The following HCRTR2 variants were observed in gnomAD, a reference collection of about 807,000 sequenced individuals.
HCRTR2 encodes the protein hypocretin receptor 2.
HCRTR2 carries 22 observed loss-of-function variants against 49.0 expected under a neutral mutation model. The observed-to-expected ratio is 0.45, with a 90% CI of 0.32 to 0.64. The LOEUF is 0.64. Among genes scored for constraint, HCRTR2 ranks in the 30% least tolerant of loss-of-function variants. HCRTR2 has a pLI of 0.04. For missense variants in HCRTR2, 491 were observed against 559.4 expected, an observed-to-expected ratio of 0.88 and a Z score of 1.23; for synonymous variants, 236 against 205.3, an observed-to-expected ratio of 1.15 and a Z score of -1.28.
At chr6:55,229,962 A>G (rs897497021) in intron 1 of HCRTR2, among the ~76,000 whole-genome samples, 50 of 152,176 alleles carry the variant, frequency 3.3e-4, no homozygotes, top group African/African-American at 1.2e-3. Flanking sequence ...ACCGCTTCAC[A>G]GGCAAAAACT....
chr6:55,170,166 T>A (rs1764928209), upstream of HCRTR2, among the ~76,000 whole-genome samples: 1 of 151,538 alleles, frequency 6.6e-6, no homozygotes, highest in Non-Finnish European at 1.5e-5. Context: ...TTAAACAGAA[T>A]TATTCTGAAT....
At chr6:55,233,322 C>G (rs545113547) in intron 1 of HCRTR2, among the ~76,000 whole-genome samples, 2 of 152,066 alleles carry the variant, frequency 1.3e-5, no homozygotes, top group Non-Finnish European at 2.9e-5. Context: ...AACTCCTGAC[C>G]TCAGGTGATC....
chr6:55,227,555 C>T (rs1189573486), intron 1 of HCRTR2, among the ~76,000 whole-genome samples: 1 of 152,090 alleles, frequency 6.6e-6, no homozygotes, highest in Non-Finnish European at 1.5e-5. Flanking sequence ...AAAGATTATT[C>T]CTGTGTATTA....
chr6:55,121,013 AAGTC>A (rs1295747227), intron 1 of HCRTR2, among the ~76,000 whole-genome samples: 1 of 152,110 alleles, frequency 6.6e-6, no homozygotes, highest in Non-Finnish European at 1.5e-5. Flanking sequence ...TCTGTGAAGA[AAGTC>A]ATTGGTAGCT....
chr6:55,269,449 T>C (rs2134294), intron 4 of HCRTR2, among the ~76,000 whole-genome samples: 71,115 of 151,972 alleles, frequency 0.47, 17,348 homozygotes, highest in South Asian at 0.58. Flanking sequence ...ATATTTTATA[T>C]AGAAAATCCT....
At chr6:55,211,132 C>T (rs1459001832) in intron 1 of HCRTR2, among the ~76,000 whole-genome samples, 1 of 152,174 alleles carries the variant, frequency 6.6e-6, no homozygotes, top group Admixed American at 6.6e-5. Context: ...GTGTAGTAGG[C>T]TATACCATTA....
At chr6:55,179,889 C>A (rs1357078073) in intron 1 of HCRTR2, among the ~76,000 whole-genome samples, 1 of 152,118 alleles carries the variant, frequency 6.6e-6, no homozygotes, top group African/African-American at 2.4e-5. Flanking sequence ...TCCGAAACAT[C>A]CACTGCTGAT....
chr6:55,181,484 A>G (rs1160413180), intron 1 of HCRTR2, among the ~76,000 whole-genome samples: 1 of 152,230 alleles, frequency 6.6e-6, no homozygotes, highest in East Asian at 1.9e-4. Context: ...AGAGATTATT[A>G]TTATTGGGTC....
At chr6:55,278,646 G>T (rs910798085) in intron 5 of HCRTR2, among the ~76,000 whole-genome samples, 1 of 151,552 alleles carries the variant, frequency 6.6e-6, no homozygotes, top group Non-Finnish European at 1.5e-5. Context: ...TTTGTGGCCT[G>T]GGTCCTTGAG....
chr6:55,146,347 C>G (rs1764580591), intron 1 of HCRTR2, among the ~76,000 whole-genome samples: 1 of 152,016 alleles, frequency 6.6e-6, no homozygotes, highest in South Asian at 2.1e-4. Flanking sequence ...CAAACAAATG[C>G]CACATGGTTA....
chr6:55,199,547 G>A (rs770377506), intron 1 of HCRTR2, among the ~76,000 whole-genome samples: 2 of 152,004 alleles, frequency 1.3e-5, no homozygotes, highest in Non-Finnish European at 2.9e-5. Flanking sequence ...TCAAATTAAT[G>A]TATTGAACTA....
chr6:55,197,616 A>T (rs1765440403), intron 1 of HCRTR2, among the ~76,000 whole-genome samples: 1 of 151,948 alleles, frequency 6.6e-6, no homozygotes, highest in African/African-American at 2.4e-5. Context: ...CCTGAAACTA[A>T]GCTTGATCCT....
At chr6:55,123,161 AG>A (rs1764225728) in intron 1 of HCRTR2, among the ~76,000 whole-genome samples, 2 of 151,538 alleles carry the variant, frequency 1.3e-5, no homozygotes, top group Non-Finnish European at 2.9e-5. Context: ...AAAAATTAAA[AG>A]TTAAAAAAAG....
At position 55,180,104 on chromosome 6, in the gene HCRTR2, C is replaced by T. The variant is rs34267888; in HGVS notation, c.223+5294C>T. Among the ~76,000 whole-genome samples the T allele has an allele frequency of 7.4e-3, 1,125 of 152,278 alleles. 9 individuals carry two copies. Among genetic ancestry groups the T allele is most frequent in the Middle Eastern group, 0.031 (9 of 294 alleles). On this transcript the variant is annotated intron_variant, in intron 1 of 6. Transcript: ENST00000370862. ...TTTATTGGGTACTATATGCCAGGTA[C>T]TATATGTCAGGCTCCACTTACATAT... is the stretch of plus-strand genomic sequence containing the variant.
At chr6:55,217,783 T>C (rs1236832892) in intron 1 of HCRTR2, among the ~76,000 whole-genome samples, 1 of 152,234 alleles carries the variant, frequency 6.6e-6, no homozygotes, top group Non-Finnish European at 1.5e-5. Context: ...TTTACAGCAA[T>C]ATAAGATTTT....
chr6:55,218,896 TCACTGCAATCTC>T (rs1349028064), intron 1 of HCRTR2, among the ~76,000 whole-genome samples: 1 of 152,182 alleles, frequency 6.6e-6, no homozygotes, highest in African/African-American at 2.4e-5. Flanking sequence ...CAATCTCAGC[TCACTGCAATCTC>T]CACTTCCCAG....
chr6:55,246,071 A>G (rs9396072), intron 1 of HCRTR2, among the ~76,000 whole-genome samples: 26,302 of 152,008 alleles, frequency 0.17, 2,771 homozygotes, highest in Non-Finnish European at 0.24. Flanking sequence ...GTTATACTGC[A>G]CAAGCTAAAG....
At chr6:55,200,511 A>G (rs1765495147) in intron 1 of HCRTR2, among the ~76,000 whole-genome samples, 1 of 152,136 alleles carries the variant, frequency 6.6e-6, no homozygotes, top group Non-Finnish European at 1.5e-5. Flanking sequence ...TTCCTGATTC[A>G]GAAGGTGGGA....
chr6:55,251,355 A>G (rs1362691908), intron 2 of HCRTR2, among the ~76,000 whole-genome samples: 1 of 152,168 alleles, frequency 6.6e-6, no homozygotes, highest in Admixed American at 6.6e-5. Context: ...AAGTCTCACA[A>G]ATGTTATAAA....
Sources: gnomAD v4.1 joint callset for allele counts (sites outside exome capture counted in the v4.1 genomes callset) on GRCh38, gnomAD v4.1.1 for gene constraint, MANE v1.5 for transcripts, NCBI Gene and HGNC (gene_info 2026-07-23, HGNC 2026-07-21) for gene names.